Variants in SUSD6 observed in about 807,000 individuals in gnomAD.
The protein encoded by SUSD6 is sushi domain containing 6, also known as sushi domain-containing protein 6.
SUSD6 carries 16 observed loss-of-function variants against 28.4 expected under a neutral mutation model. The observed-to-expected ratio is 0.56, with a 90% CI of 0.38 to 0.86. The LOEUF (loss-of-function observed/expected upper bound fraction) is 0.86, where lower values mean the gene tolerates loss of function less well. Ranked by LOEUF, SUSD6 falls within the 40% of genes least tolerant of loss-of-function variation. The pLI is 0.00. For missense variants in SUSD6, 341 were observed against 384.2 expected (o/e 0.89, Z 0.94); for synonymous variants, 147 against 159.6 (o/e 0.92, Z 0.59).
chr14:69,668,599 C>T (rs1465838447), intron 2 of SUSD6, among the ~76,000 whole-genome samples: 3 of 147,520 alleles, frequency 2.0e-5, no homozygotes, highest in African/African-American at 5.0e-5. Flanking sequence ...TGCATCACTG[C>T]ACTCCAGCCT....
At position 69,690,078 on chromosome 14, in the gene SUSD6, C is replaced by T. The variant is rs566733790; in HGVS notation, c.122-13317C>T. 9.2e-5 allele frequency among the ~76,000 whole-genome samples: 14 copies of T among 152,316 alleles called. No individual in the cohort carries two copies. In the South Asian group the frequency reaches 2.9e-3, roughly 32 times the overall value. On this transcript the variant is annotated intron_variant, in intron 2 of 5. Transcript: ENST00000342745. ...TGTGGCATTTAGACATAGTTATCTA[C>T]CAACATGCAGTGTGTGTGAGGCTGT...
rs182858294 is a variant in SUSD6 at position 69,701,369 on chromosome 14, G to C, written c.122-2026G>C. Among the ~76,000 whole-genome samples the C allele has an allele frequency of 3.9e-3, 599 of 152,210 alleles. 4 individuals carry two copies. The highest frequency in any genetic ancestry group is 0.014 in the African/African-American group (566 of 41,540). ...TGAGACTGTCCTTCCCAGCACATTG[G>C]ACTTGTGTGTGGGTCCTGCCTGCTT... is the stretch of plus-strand genomic sequence containing the variant. On this transcript the variant is annotated intron_variant, in intron 2 of 5. Coordinates refer to ENST00000342745, the MANE Select transcript of SUSD6 (RefSeq NM_014734.4).
intron 2 of SUSD6, among the ~76,000 whole-genome samples, chr14:69,692,808 T>C (rs1566605334): frequency 6.6e-6 from 1 of 152,282 alleles, no homozygotes; most frequent in East Asian, 1.9e-4. Flanking sequence ...AAGTCAGTTA[T>C]CACCTGCTCA....
At chr14:69,638,242 G>A (rs1364318449) in intron 1 of SUSD6, among the ~76,000 whole-genome samples, 1 of 152,104 alleles carries the variant, frequency 6.6e-6, no homozygotes, top group Admixed American at 6.5e-5. Flanking sequence ...TCCTCCTGGA[G>A]AGCCTTTGAA....
At chr14:69,640,423 T>G (rs1401848348) in intron 1 of SUSD6, among the ~76,000 whole-genome samples, 3 of 152,152 alleles carry the variant, frequency 2.0e-5, no homozygotes, top group African/African-American at 7.2e-5. Flanking sequence ...AACCTCGAAC[T>G]CCTTGGCTCA....
chr14:69,666,123 T>C (rs2139619737), intron 2 of SUSD6, among the ~76,000 whole-genome samples: 1 of 152,340 alleles, frequency 6.6e-6, no homozygotes, highest in East Asian at 1.9e-4. Context: ...TGGATTCTGT[T>C]TGAATCAATT....
chr14:69,638,538 A>G (rs1481332690), intron 1 of SUSD6, among the ~76,000 whole-genome samples: 1 of 151,752 alleles, frequency 6.6e-6, no homozygotes, highest in African/African-American at 2.4e-5. Context: ...AGAGGTGACA[A>G]AGCAGGGACT....
At chr14:69,671,339 C>T (rs1241338342) in intron 2 of SUSD6, among the ~76,000 whole-genome samples, 1 of 152,130 alleles carries the variant, frequency 6.6e-6, no homozygotes, top group East Asian at 1.9e-4. Context: ...GCAGTGGGCA[C>T]CTATTTGCCT....
chr14:69,651,590 C>G (rs1208439944), intron 1 of SUSD6, among the ~76,000 whole-genome samples: 1 of 152,112 alleles, frequency 6.6e-6, no homozygotes, highest in Non-Finnish European at 1.5e-5. Context: ...TGTCGAAGCA[C>G]TCAAGTGTTA....
At chr14:69,687,723 C>T (rs1886094123) in intron 2 of SUSD6, among the ~76,000 whole-genome samples, 2 of 152,304 alleles carry the variant, frequency 1.3e-5, no homozygotes, top group Non-Finnish European at 2.9e-5. Flanking sequence ...GGGCTTCTCC[C>T]ATGCCTGGCT....
At chr14:69,634,955 C>A (rs962492617) in intron 1 of SUSD6, among the ~76,000 whole-genome samples, 2 of 152,176 alleles carry the variant, frequency 1.3e-5, no homozygotes, top group Non-Finnish European at 2.9e-5. Flanking sequence ...CCATTCTATT[C>A]TCAGCTAGTA....
At chr14:69,663,306 C>CAT (rs1885689925) in intron 2 of SUSD6, among the ~76,000 whole-genome samples, 2 of 152,160 alleles carry the variant, frequency 1.3e-5, no homozygotes, top group Admixed American at 1.3e-4. Flanking sequence ...CATGTTAGGC[C>CAT]GTGTTAAACA....
intron 1 of SUSD6, among the ~76,000 whole-genome samples, chr14:69,623,779 C>CA: frequency 6.6e-6 from 1 of 151,146 alleles, no homozygotes; most frequent in East Asian, 1.9e-4. Context: ...AGTTTTTTAA[C>CA]AAAAAAAGAT....
At chr14:69,619,995 G>A (rs950884467) in intron 1 of SUSD6, among the ~76,000 whole-genome samples, 5 of 152,366 alleles carry the variant, frequency 3.3e-5, no homozygotes, top group Admixed American at 6.5e-5. Flanking sequence ...AAGGAAGCAA[G>A]TCATATATAC....
At chr14:69,635,644 T>C (rs1352481195) in intron 1 of SUSD6, among the ~76,000 whole-genome samples, 11 of 102,558 alleles carry the variant, frequency 1.1e-4, no homozygotes, top group South Asian at 7.0e-4. Flanking sequence ...CACACACACA[T>C]TTTCACCTCC....
At chr14:69,640,114 G>A (rs758860064) in intron 1 of SUSD6, among the ~76,000 whole-genome samples, 27 of 151,594 alleles carry the variant, frequency 1.8e-4, no homozygotes, top group Non-Finnish European at 7.4e-5. Context: ...ATAGACTCCC[G>A]GGAAAGCTCC....
chr14:69,637,372 A>G (rs111995283), intron 1 of SUSD6, among the ~76,000 whole-genome samples: 9 of 152,148 alleles, frequency 5.9e-5, no homozygotes, highest in East Asian at 1.9e-4. Flanking sequence ...ACTGTCTGCT[A>G]TCACCACTGT....
chr14:69,681,404 A>G (rs1885995578), intron 2 of SUSD6, among the ~76,000 whole-genome samples: 1 of 152,224 alleles, frequency 6.6e-6, no homozygotes, highest in Non-Finnish European at 1.5e-5. Context: ...TCTGTTAGAC[A>G]TGCAAATTAA....
intron 2 of SUSD6, among the ~76,000 whole-genome samples, chr14:69,689,651 A>G (rs899095962): frequency 2.6e-5 from 4 of 152,170 alleles, no homozygotes; most frequent in Non-Finnish European, 5.9e-5. Context: ...AAGAATCAAC[A>G]CTTGTAAATA....
Sources: gnomAD v4.1 joint callset for allele counts (sites outside exome capture counted in the v4.1 genomes callset) on GRCh38, gnomAD v4.1.1 for gene constraint, MANE v1.5 for transcripts, NCBI Gene and HGNC (gene_info 2026-07-23, HGNC 2026-07-21) for gene names.